CACNB1: variants seen among roughly 807,000 people sequenced by gnomAD.
CACNB1 encodes the protein voltage-dependent L-type calcium channel subunit beta-1.
Under a neutral mutation model 71.6 loss-of-function variants are expected in CACNB1, and 29 were observed. The observed-to-expected ratio is 0.40, with a 90% CI of 0.30 to 0.55. CACNB1 has a LOEUF of 0.55. CACNB1 is among the 20% of genes least tolerant of loss of function. The pLI, the probability that CACNB1 is intolerant of heterozygous loss-of-function variation, is 0.38. For missense variants in CACNB1, 623 were observed against 801.8 expected (o/e 0.78, Z 2.69); for synonymous variants, 300 against 319.6 (o/e 0.94, Z 0.65).
rs370638142 is a variant in CACNB1, at chr17:39,184,743, C to T, written c.729+41G>A. 4 of 1,348,320 alleles carry T rather than the reference C, an allele frequency of 3.0e-6. No homozygotes were observed. The African/African-American group carries it at 5.7e-5, about 19-fold the overall frequency. 83.5% of individuals were successfully genotyped at this position (1,348,320 alleles called of 1,614,324 possible). A position where few individuals can be genotyped will look rare whatever the true frequency, so the allele number is the denominator to read the frequency against. ...ATCTCTCTGGGGTCTGAAGATCTTT[C>T]TAAGGCCCCTCTGCATCCACTCCCC... On this transcript the variant is annotated intron_variant, in intron 8 of 13. Transcript: ENST00000394303.
At chr17:39,195,254 G>A in intron 1 of CACNB1, 1 of 336,622 alleles carries the variant, frequency 3.0e-6, no homozygotes, top group Non-Finnish European at 5.4e-6. Flanking sequence ...GGGAAGGGGG[G>A]AGGCGCGGAG....
intron 3 of CACNB1, among the ~76,000 whole-genome samples, chr17:39,191,128 C>T (rs541991402): frequency 5.9e-5 from 9 of 152,058 alleles, no homozygotes; most frequent in Non-Finnish European, 1.0e-4. Flanking sequence ...GGCGTGAACC[C>T]GGGAGGCGGA....
In CACNB1 at chr17:39,197,405, G is replaced by A; in HGVS notation, c.84+7C>T. 2 of 1,451,964 alleles carry A rather than the reference G, an allele frequency of 1.4e-6. No individual in the cohort carries two copies. The highest frequency in any genetic ancestry group is 1.8e-6 in the Non-Finnish European group (2 of 1,103,894). The allele number at this position is 1,451,964 out of a possible 1,614,324, so 89.9% of individuals were successfully genotyped here. On this transcript the variant is annotated splice_region_variant and intron_variant, in intron 1 of 13. Transcript: ENST00000394303. ...CCCTCCCGTTGGGCCGGGCCACCAC[G>A]CCTCACCTGCGGGCTGGGGTCGAAG...
At chr17:39,182,728 TAA>T (rs2045807561) in intron 11 of CACNB1, among the ~76,000 whole-genome samples, 4 of 150,476 alleles carry the variant, frequency 2.7e-5, no homozygotes, top group African/African-American at 9.8e-5. Flanking sequence ...AATAAATAAA[TAA>T]ATAAATAAAT....
At chr17:39,188,848 G>A (rs113758794) in intron 3 of CACNB1, among the ~76,000 whole-genome samples, 91 of 152,146 alleles carry the variant, frequency 6.0e-4, no homozygotes, top group African/African-American at 2.1e-3. Context: ...TTCGAGACCA[G>A]CCATGACTAA....
intron 11 of CACNB1, among the ~76,000 whole-genome samples, chr17:39,180,262 CAAA>C (rs113605525): frequency 1.7e-5 from 2 of 116,706 alleles, no homozygotes; most frequent in African/African-American, 6.0e-5. Context: ...GACCCTAGCT[CAAA>C]AAAAAAAAAA....
intron 6 of CACNB1, among the ~76,000 whole-genome samples, chr17:39,185,646 A>T (rs1206331100): frequency 6.6e-6 from 1 of 151,676 alleles, no homozygotes; most frequent in Non-Finnish European, 1.5e-5. Context: ...CAAGGTAGAC[A>T]CCAACACCAG....
chr17:39,175,041 TA>T lies in CACNB1; in HGVS notation c.*151del. On this transcript the variant is annotated 3_prime_UTR_variant, in exon 14 of 14. Coordinates refer to ENST00000394303, the MANE Select transcript of CACNB1 (RefSeq NM_000723.5). The surrounding 1 kb of genome is among the most constrained non-coding windows in gnomAD (Gnocchi z 4.7). ...AAGGGCCTCCCGGGAGCTGGGATGGTAACACCAAAGAAACCCCAAGCTTTGA... is the reference window on the plus strand; with the variant it reads ...AAGGGCCTCCCGGGAGCTGGGATGGTACACCAAAGAAACCCCAAGCTTTGA... 1.5e-6 allele frequency: 1 copy of T among 683,904 alleles called. No homozygotes were observed. Among genetic ancestry groups the T allele is most frequent in the Middle Eastern group, 4.1e-4 (1 of 2,440 alleles). The allele number at this position is 683,904 out of a possible 1,614,324, so 42.4% of individuals were successfully genotyped here.
chr17:39,183,600 T>A (rs2045847447), intron 11 of CACNB1, 113 bp downstream of exon 11: 2 of 895,018 alleles, frequency 2.2e-6, no homozygotes, highest in Admixed American at 5.8e-5. Context: ...AGAAGGAAAC[T>A]AAGACTCAGG....
In CACNB1 at chr17:39,183,605, C is replaced by T. The variant is rs989470315; in HGVS notation, c.1050+108G>A. The stretch of plus-strand genomic sequence containing the variant: ...AGCTTTACAGAGAAGGAAACTAAGA[C>T]TCAGGCAGATTAATTCACGTAATTA... On this transcript the variant is annotated intron_variant, in intron 11 of 13. Coordinates refer to ENST00000394303, the MANE Select transcript of CACNB1 (RefSeq NM_000723.5). 13 of 926,184 alleles carry T rather than the reference C, an allele frequency of 1.4e-5. No homozygotes were observed. The African/African-American group carries it at 2.0e-4, about 14-fold the overall frequency. The allele number at this position is 926,184 out of a possible 1,614,324, so 57.4% of individuals were successfully genotyped here.
chr17:39,193,775 T>A (rs529135389), intron 2 of CACNB1: 1 of 211,682 alleles, frequency 4.7e-6, no homozygotes, highest in Admixed American at 5.9e-5. Flanking sequence ...CACAGCGTCA[T>A]TCTTCCCAGC....
chr17:39,186,834 C>T lies in CACNB1; in HGVS notation c.510G>A (p.Leu170=). The change falls in exon 5 of 14, where the codon CTG becomes CTA. Residue 170 remains leucine, a synonymous_variant. Coordinates refer to ENST00000394303, the MANE Select transcript of CACNB1 (RefSeq NM_000723.5). This position sits in a 1 kb window ranked among gnomAD's most constrained non-coding sequence, Gnocchi z 4.1. ...TCTGGCGCAGCTTCTGTTCCTGCAG[C>T]AGGCGAAGGCTGTCCAGTTTGACGG... is the stretch of plus-strand genomic sequence containing the variant. ...PSPVKLDSLR[L]LQEQKLRQNR... 1 of 1,614,108 alleles carries T rather than the reference C, an allele frequency of 6.2e-7. No individual in the cohort carries two copies. Among genetic ancestry groups the T allele is most frequent in the Non-Finnish European group, 8.5e-7 (1 of 1,179,978 alleles).
In CACNB1 at chr17:39,174,208, CGA is replaced by C. The variant is rs1651287049; in HGVS notation, c.*983_*984del. 1 of 153,276 alleles carries C rather than the reference CGA, an allele frequency of 6.5e-6. No individual in the cohort carries two copies. The highest frequency in any genetic ancestry group is 1.5e-5 in the Non-Finnish European group (1 of 68,552). 9.5% of individuals were successfully genotyped at this position (153,276 alleles called of 1,614,324 possible). On this transcript the variant is annotated 3_prime_UTR_variant, in exon 14 of 14. Transcript: ENST00000394303. ...TGAACATGGGTAACAAACAGAATCA[CGA>C]GAGGCAAATACAGAGCAGCAACAGC...
At position 39,185,596 on chromosome 17, in the gene CACNB1, G is replaced by T. The variant is rs115199306; in HGVS notation, c.629-446C>A. On this transcript the variant is annotated intron_variant, in intron 6 of 13. Coordinates refer to ENST00000394303, the MANE Select transcript of CACNB1 (RefSeq NM_000723.5). ...GTGCCCACCCAGAGAGTCAAAAAAG[G>T]GCAAAGAAGGAATGCCATCCCATGT... 9.1e-3 allele frequency among the ~76,000 whole-genome samples: 1,351 copies of T among 147,866 alleles called. 18 individuals are homozygous for T. The highest frequency in any genetic ancestry group is 0.032 in the African/African-American group (1,272 of 39,426).
intron 9 of CACNB1, 29 bp from the exon 10 acceptor site, chr17:39,184,169 G>A: frequency 2.7e-6 from 4 of 1,457,648 alleles, no homozygotes; most frequent in Non-Finnish European, 3.9e-6. Context: ...GGGGAGTCAG[G>A]GGTCAGGGTG....
Position 39,186,156 on chromosome 17 carries a change from G to T in CACNB1, c.628+340C>A. 1 of 1,510,614 alleles carries T rather than the reference G, an allele frequency of 6.6e-7. No homozygotes were observed. Among genetic ancestry groups the T allele is most frequent in the South Asian group, 1.1e-5 (1 of 87,096 alleles). The allele number at this position is 1,510,614 out of a possible 1,614,324, so 93.6% of individuals were successfully genotyped here. A position where few individuals can be genotyped will look rare whatever the true frequency, so the allele number is the denominator to read the frequency against. ...AGGAGGGAGGCGAGGTGGGGAGAAG[G>T]AGTGAGATGAACGTGGAGACACAAG... is the stretch of plus-strand genomic sequence containing the variant. On this transcript the variant is annotated intron_variant, in intron 6 of 13. Transcript: ENST00000394303. This position sits in a 1 kb window ranked among gnomAD's most constrained non-coding sequence, Gnocchi z 4.1.
intron 3 of CACNB1, among the ~76,000 whole-genome samples, chr17:39,189,506 G>C (rs1230641650): frequency 6.6e-6 from 1 of 151,758 alleles, no homozygotes; most frequent in African/African-American, 2.4e-5. Flanking sequence ...GTTTTGTTTT[G>C]TTTTGTTTTG....
chr17:39,175,138 TCCCTC>T lies in CACNB1; in HGVS notation c.*50_*54del. 7.1e-7 allele frequency: 1 copy of T among 1,415,180 alleles called. No individual in the cohort carries two copies. Among genetic ancestry groups the T allele is most frequent in the Non-Finnish European group, 9.7e-7 (1 of 1,028,684 alleles). 87.7% of individuals were successfully genotyped at this position (1,415,180 alleles called of 1,614,324 possible). On this transcript the variant is annotated 3_prime_UTR_variant, in exon 14 of 14. Transcript: ENST00000394303. This position sits in a 1 kb window ranked among gnomAD's most constrained non-coding sequence, Gnocchi z 4.7. ...TACATGTCAGGTGTGAGCCCCTCGC[TCCCTC>T]CCCTCCCCTGGGCTCAGAGCCCTTC...
At chr17:39,187,398 G>C in intron 4 of CACNB1, 81 bp downstream of exon 4, 1 of 1,537,946 alleles carries the variant, frequency 6.5e-7, no homozygotes, top group Non-Finnish European at 9.0e-7. Context: ...GCTCTGCTTG[G>C]CTCAGAAGCC....
Sources: allele counts gnomAD v4.1 joint callset (sites outside exome capture counted in the v4.1 genomes callset), GRCh38; gene constraint gnomAD v4.1.1; non-coding constraint Gnocchi (gnomAD v3.1); transcripts MANE v1.5; gene names NCBI Gene and HGNC (gene_info 2026-07-23, HGNC 2026-07-21).